The following CLNK variants were observed in gnomAD, a reference collection of about 807,000 sequenced individuals.
CLNK encodes cytokine-dependent hematopoietic cell linker.
Under a neutral mutation model 68.6 loss-of-function variants are expected in CLNK, and 74 were observed. The observed-to-expected ratio is 1.08, with a 90% confidence interval of 0.89 to 1.31. The LOEUF (loss-of-function observed/expected upper bound fraction) is 1.31. CLNK is among the 50% of genes most tolerant of loss of function. The probability of loss-of-function intolerance (pLI) is 0.00; values close to 1 mark genes in which losing one functional copy is unlikely to be tolerated. For missense variants in CLNK, 553 were observed against 515.3 expected (o/e 1.07, Z -0.71); for synonymous variants, 198 against 172.2 (o/e 1.15, Z -1.17).
chr4:10,584,242 A>G (rs1720892669), intron 4 of CLNK, among the ~76,000 whole-genome samples: 1 of 152,184 alleles, frequency 6.6e-6, no homozygotes, highest in Non-Finnish European at 1.5e-5. Flanking sequence ...CACATGCTCT[A>G]TAGTGAAACT....
chr4:10,691,500 A>G, the CLNK span, among the ~76,000 whole-genome samples: 1 of 152,074 alleles, frequency 6.6e-6, no homozygotes, highest in Non-Finnish European at 1.5e-5. Context: ...CAGCATAGCT[A>G]TGTTTCTCAA....
At chr4:10,718,452 C>T in the CLNK span, among the ~76,000 whole-genome samples, 41 of 151,424 alleles carry the variant, frequency 2.7e-4, 1 homozygote, top group East Asian at 7.3e-3. Context: ...AATTTCTCAT[C>T]GGAAACCATA....
At chr4:10,570,561 A>C (rs75621839) in intron 5 of CLNK, among the ~76,000 whole-genome samples, 1 of 151,962 alleles carries the variant, frequency 6.6e-6, no homozygotes, top group African/African-American at 2.4e-5. Flanking sequence ...TTGTGTGTGC[A>C]TGTGTGTGTA....
chr4:10,682,295 T>C (rs896753976), intron 1 of CLNK, among the ~76,000 whole-genome samples: 2 of 152,204 alleles, frequency 1.3e-5, no homozygotes, highest in African/African-American at 2.4e-5. Context: ...TTTAGCCGCT[T>C]TGAACACTTT....
intron 3 of CLNK, 106 bp downstream of exon 3, chr4:10,597,872 A>T (rs78481391): frequency 0.018 from 13,677 of 767,168 alleles, 168 homozygotes; most frequent in Non-Finnish European, 0.024. Context: ...AAGTCACTAC[A>T]GGTCATTCCA....
At chr4:10,615,207 C>T (rs569024850) in intron 2 of CLNK, among the ~76,000 whole-genome samples, 15 of 151,844 alleles carry the variant, frequency 9.9e-5, no homozygotes, top group South Asian at 6.3e-4. Flanking sequence ...AGGCTGGGCG[C>T]GGTGGCTTAT....
At chr4:10,722,492 T>C in the CLNK span, among the ~76,000 whole-genome samples, 5 of 152,230 alleles carry the variant, frequency 3.3e-5, no homozygotes, top group Admixed American at 3.3e-4. Flanking sequence ...TGACCCACTA[T>C]TATGCAGCTT....
intron 11 of CLNK, among the ~76,000 whole-genome samples, chr4:10,539,873 TG>T (rs1299831409): frequency 1.3e-5 from 2 of 152,246 alleles, no homozygotes; most frequent in African/African-American, 4.8e-5. Context: ...TAAAATATGC[TG>T]ATTCTGTTCT....
chr4:10,669,180 T>C (rs931699109), intron 1 of CLNK, among the ~76,000 whole-genome samples: 1 of 152,340 alleles, frequency 6.6e-6, no homozygotes, highest in South Asian at 2.1e-4. Context: ...TTACTGAAAA[T>C]GTACTTTGTG....
At chr4:10,663,811 G>A (rs1321960221) in intron 2 of CLNK, among the ~76,000 whole-genome samples, 4 of 152,274 alleles carry the variant, frequency 2.6e-5, no homozygotes, top group Admixed American at 6.5e-5. Flanking sequence ...TGGGGCCTTT[G>A]GGGGCTGATT....
At chr4:10,655,809 C>G (rs1442377588) in intron 2 of CLNK, among the ~76,000 whole-genome samples, 1 of 151,852 alleles carries the variant, frequency 6.6e-6, no homozygotes, top group African/African-American at 2.4e-5. Flanking sequence ...ACCACCACGC[C>G]CAGCTAGTTT....
chr4:10,687,164 C>A (rs140470411), upstream of CLNK, among the ~76,000 whole-genome samples: 55 of 151,082 alleles, frequency 3.6e-4, 3 homozygotes, highest in East Asian at 0.011. Flanking sequence ...CCTCTACCTA[C>A]TACTATCAGC....
chr4:10,507,294 T>C (rs1298831213), intron 17 of CLNK, among the ~76,000 whole-genome samples: 1 of 151,800 alleles, frequency 6.6e-6, no homozygotes, highest in Non-Finnish European at 1.5e-5. Flanking sequence ...GTATTTTTAG[T>C]AGAGATGAGG....
At chr4:10,653,132 T>C (rs575484018) in intron 2 of CLNK, among the ~76,000 whole-genome samples, 105 of 151,334 alleles carry the variant, frequency 6.9e-4, no homozygotes, top group African/African-American at 2.5e-3. Flanking sequence ...TAAGTGGGAG[T>C]TGAACAATGA....
intron 2 of CLNK, among the ~76,000 whole-genome samples, chr4:10,604,761 A>G (rs548605493): frequency 2.6e-5 from 4 of 152,168 alleles, no homozygotes; most frequent in Admixed American, 6.5e-5. Flanking sequence ...ATGAATTTCC[A>G]GCAATGAGAT....
intron 5 of CLNK, among the ~76,000 whole-genome samples, chr4:10,569,511 T>C (rs953035131): frequency 4.6e-5 from 7 of 152,162 alleles, no homozygotes; most frequent in Non-Finnish European, 1.0e-4. Context: ...TTCAGAGTCA[T>C]GAGAAAATAA....
At chr4:10,722,217 A>C in the CLNK span, among the ~76,000 whole-genome samples, 1 of 152,138 alleles carries the variant, frequency 6.6e-6, no homozygotes, top group Non-Finnish European at 1.5e-5. Flanking sequence ...AGAGGAAAGG[A>C]GGGAGAGCAA....
chr4:10,510,291 T>G (rs1285756815), intron 16 of CLNK, among the ~76,000 whole-genome samples: 1 of 152,096 alleles, frequency 6.6e-6, no homozygotes, highest in Non-Finnish European at 1.5e-5. Flanking sequence ...TCAAAAGGAA[T>G]GTTTCATTTT....
chr4:10,566,056 G>A lies in CLNK; in HGVS notation c.245C>T (p.Ser82Leu), dbSNP rs753804988. The change falls in exon 6 of 19, where the codon TCG becomes TTG. Residue 82 changes from serine to leucine, a missense_variant. By Grantham distance (145) the Ser-to-Leu change is moderately radical. Transcript: ENST00000226951. ...AGGCCGGGCTGGTAAAATTTTAATC[G>A]ACTGCCATGTCTCTTCCATCCGAAG... Reference protein sequence around the residue: ...PELRMEETWQSIKILPARPIK... With the variant: ...PELRMEETWQLIKILPARPIK... 5 of 1,613,750 alleles carry A rather than the reference G, an allele frequency of 3.1e-6. No homozygotes were observed. The highest frequency in any genetic ancestry group is 2.2e-5 in the South Asian group (2 of 91,066).
Sources: gnomAD v4.1 joint callset for allele counts (sites outside exome capture counted in the v4.1 genomes callset) on GRCh38, gnomAD v4.1.1 for gene constraint, MANE v1.5 for transcripts, NCBI Gene and HGNC (gene_info 2026-07-23, HGNC 2026-07-21) for gene names.